TMEM39B: variants seen among roughly 807,000 people sequenced by gnomAD.
TMEM39B encodes the protein transmembrane protein 39B.
In TMEM39B, 23 loss-of-function variants were observed where a neutral mutation model predicts 52.2. The observed-to-expected ratio is 0.44, with a 90% CI of 0.32 to 0.62. TMEM39B has a LOEUF of 0.62. Ranked by LOEUF, TMEM39B falls within the 20% of genes least tolerant of loss-of-function variation. TMEM39B has a pLI of 0.06. For synonymous variants in TMEM39B, 285 were observed against 264.0 expected (o/e 1.08, Z -0.77); for missense variants, 547 against 642.0 (o/e 0.85, Z 1.60).
At chr1:32,102,115 G>T (rs555597928) in intron 8 of TMEM39B, among the ~76,000 whole-genome samples, 1 of 152,236 alleles carries the variant, frequency 6.6e-6, no homozygotes, top group Non-Finnish European at 1.5e-5. Flanking sequence ...TTTTTTAAAG[G>T]TGTTGACTTT....
At chr1:32,081,022 C>G (rs893978975) in intron 5 of TMEM39B, among the ~76,000 whole-genome samples, 1 of 151,692 alleles carries the variant, frequency 6.6e-6, no homozygotes. Context: ...AGAGTGAGAC[C>G]CTGTCTCTAA....
rs763260333 is a variant in TMEM39B, at chr1:32,079,185, C to CTT, written c.590+1883_590+1884dup. On this transcript the variant is annotated intron_variant, in intron 5 of 8. Coordinates refer to ENST00000336294, the MANE Select transcript of TMEM39B (RefSeq NM_018056.4). Reference sequence around the variant, plus strand: ...GAGTTTTAACCTGTTCTATTTCTTTCTTTTTTTTTTTTTTTTTGAGATGGA... The same window carrying CTT: ...GAGTTTTAACCTGTTCTATTTCTTTCTTTTTTTTTTTTTTTTTTTGAGATGGA... 2.8e-3 allele frequency among the ~76,000 whole-genome samples: 362 copies of CTT among 129,138 alleles called. 2 individuals are homozygous for CTT. Among genetic ancestry groups the CTT allele is most frequent in the South Asian group, 7.3e-3 (29 of 3,962 alleles). The allele number at this position is 129,138 out of a possible 152,430, so 84.7% of individuals were successfully genotyped here.
intron 5 of TMEM39B, among the ~76,000 whole-genome samples, chr1:32,079,165 T>C (rs1023505814): frequency 6.6e-6 from 1 of 151,280 alleles, no homozygotes; most frequent in Non-Finnish European, 1.5e-5. Context: ...CACAGGAGTT[T>C]TAACCTGTTC....
chr1:32,074,939 T>C lies in TMEM39B; in HGVS notation c.5-12T>C. The C allele has an allele frequency of 6.5e-7, 1 of 1,548,932 alleles. No individual in the cohort carries two copies. The highest frequency in any genetic ancestry group is 8.7e-7 in the Non-Finnish European group (1 of 1,145,552). ...CCTGGCTTGAGGCTCTATTTTATGT[T>C]GAGCCCCACAGGAGGACGAAGAGGT... On this transcript the variant is annotated splice_polypyrimidine_tract_variant and intron_variant, in intron 1 of 8. Transcript: ENST00000336294.
intron 5 of TMEM39B, among the ~76,000 whole-genome samples, chr1:32,085,531 T>C (rs909206480): frequency 6.6e-6 from 1 of 152,100 alleles, no homozygotes; most frequent in African/African-American, 2.4e-5. Flanking sequence ...GGTGGGTGGA[T>C]CACAAGGTCA....
chr1:32,073,978 G>A, intron 1 of TMEM39B: 1 of 801,682 alleles, frequency 1.2e-6, no homozygotes, highest in Non-Finnish European at 1.5e-6. Flanking sequence ...CCAACTCCTG[G>A]TCTCAAGCGA....
intron 5 of TMEM39B, among the ~76,000 whole-genome samples, chr1:32,088,432 A>G (rs1000892643): frequency 6.6e-6 from 1 of 152,108 alleles, no homozygotes; most frequent in Non-Finnish European, 1.5e-5. Flanking sequence ...AAATAAAAAT[A>G]AAAATTATGT....
chr1:32,087,869 C>T (rs1640431229), intron 5 of TMEM39B: 1 of 148,916 alleles, frequency 6.7e-6, no homozygotes, highest in East Asian at 2.2e-4. Context: ...AGAATCGTCT[C>T]AATCTCCTGA....
At chr1:32,087,386 G>A (rs1172315883) in intron 5 of TMEM39B, 3 of 150,442 alleles carry the variant, frequency 2.0e-5, no homozygotes, top group Admixed American at 2.0e-4. Flanking sequence ...CACTTTGGGA[G>A]GCCAAAGCGA....
intron 5 of TMEM39B, among the ~76,000 whole-genome samples, chr1:32,082,070 G>A (rs1220204612): frequency 6.6e-6 from 1 of 152,010 alleles, no homozygotes; most frequent in East Asian, 1.9e-4. Context: ...TTAAGTTTCT[G>A]TTGGTTATTT....
chr1:32,074,659 G>A (rs772135221), intron 1 of TMEM39B, among the ~76,000 whole-genome samples: 1 of 152,142 alleles, frequency 6.6e-6, no homozygotes, highest in African/African-American at 2.4e-5. Flanking sequence ...ATGGCAGTCC[G>A]GGAAAGGCTT....
chr1:32,099,634 G>A (rs1269174903), intron 7 of TMEM39B, among the ~76,000 whole-genome samples: 1 of 152,160 alleles, frequency 6.6e-6, no homozygotes, highest in Non-Finnish European at 1.5e-5. Context: ...ACAGAGTGCT[G>A]GAGGAACGAG....
chr1:32,094,707 C>T (rs1640747400), intron 6 of TMEM39B, 77 bp from the exon 7 acceptor site: 16 of 1,517,430 alleles, frequency 1.1e-5, no homozygotes, highest in Admixed American at 1.7e-5. Flanking sequence ...ACCTCTCAGT[C>T]AGGTAGAATC....
rs764240883 is a variant in TMEM39B at position 32,102,662 on chromosome 1, C to A, written c.1468C>A (p.Arg490Ser). The change falls in exon 9 of 9, where the codon CGT (arginine) becomes AGT (serine). Residue 490 changes from arginine (R) to serine (S), a missense_variant. Arg to Ser is a moderately radical substitution (Grantham distance 110, BLOSUM62 -1). Coordinates refer to ENST00000336294, the MANE Select transcript of TMEM39B (RefSeq NM_018056.4). ...TAGCCCCCAGAGAGACCTGGACCACCGTTTCTCCTGAGCCCTGGGGTCACC... is the reference window on the plus strand; with the variant it reads ...TAGCCCCCAGAGAGACCTGGACCACAGTTTCTCCTGAGCCCTGGGGTCACC... ...SASPQRDLDH[R>S]FS The A allele has an allele frequency of 1.3e-6, 2 of 1,574,298 alleles. No individual in the cohort carries two copies. Among genetic ancestry groups the A allele is most frequent in the African/African-American group, 2.7e-5 (2 of 73,850 alleles).
At chr1:32,094,254 G>T (rs1287205020) in intron 6 of TMEM39B, among the ~76,000 whole-genome samples, 2 of 147,654 alleles carry the variant, frequency 1.4e-5, no homozygotes, top group South Asian at 4.3e-4. Context: ...AGCCTCCTGA[G>T]TAGCTGGGAC....
chr1:32,100,044 T>C (rs1640958449), intron 7 of TMEM39B, among the ~76,000 whole-genome samples: 1 of 150,748 alleles, frequency 6.6e-6, no homozygotes, highest in South Asian at 2.1e-4. Flanking sequence ...CGAAACTCAT[T>C]CTCAAAAAAA....
intron 6 of TMEM39B, among the ~76,000 whole-genome samples, chr1:32,094,117 C>CAT (rs1640720026): frequency 3.4e-5 from 1 of 29,770 alleles, no homozygotes. Flanking sequence ...TGCGCCTGGC[C>CAT]TTTTTTTTTT....
chr1:32,072,840 C>A (rs2124414520), upstream of TMEM39B: 1 of 572,604 alleles, frequency 1.7e-6, no homozygotes, highest in Non-Finnish European at 3.0e-6. Flanking sequence ...AAAGAGCGCG[C>A]AGGCACCGCC....
At chr1:32,073,127 C>T in intron 1 of TMEM39B, 76 bp downstream of exon 1, 1 of 1,367,440 alleles carries the variant, frequency 7.3e-7, no homozygotes, top group Non-Finnish European at 9.5e-7. Context: ...CTAATTGCTG[C>T]TCCACGCGGA....
Sources: allele counts gnomAD v4.1 joint callset (sites outside exome capture counted in the v4.1 genomes callset), GRCh38; gene constraint gnomAD v4.1.1; transcripts MANE v1.5; gene names NCBI Gene and HGNC (gene_info 2026-07-23, HGNC 2026-07-21).